Variants in CUL5 observed in about 807,000 individuals in gnomAD.
CUL5 encodes the protein cullin 5, also known as cullin-5.
A neutral mutation model predicts 108.8 loss-of-function variants in CUL5; 26 were observed. The ratio of observed to expected loss-of-function variants is 0.24; its 90% CI spans 0.18 to 0.33. The LOEUF (loss-of-function observed/expected upper bound fraction) is 0.33. Among genes scored for constraint, CUL5 ranks in the 10% least tolerant of loss-of-function variants. The pLI, the probability that CUL5 is intolerant of heterozygous loss-of-function variation, is 1.00. For missense variants in CUL5, 524 were observed against 909.2 expected (o/e 0.58, Z 5.45); for synonymous variants, 334 against 298.0 (o/e 1.12, Z -1.25).
chr11:108,038,014 A>C (rs1047096388), intron 2 of CUL5, among the ~76,000 whole-genome samples: 2 of 152,192 alleles, frequency 1.3e-5, no homozygotes, highest in Non-Finnish European at 2.9e-5. Flanking sequence ...TATCACTTAA[A>C]ATATTCTAAT....
rs1158175988 is a variant in CUL5, at chr11:108,107,284, T to C, written c.*2900T>C. 1 of 152,582 alleles carries C rather than the reference T, an allele frequency of 6.6e-6. No individual in the cohort carries two copies. Among genetic ancestry groups the C allele is most frequent in the Admixed American group, 6.6e-5 (1 of 15,264 alleles). 9.5% of individuals were successfully genotyped at this position (152,582 alleles called of 1,614,324 possible). ...TTAATAGAAAATATGACCTGAGTAG[T>C]TAAAAAGTATTTTGCATTATTTGCA... On this transcript the variant is annotated 3_prime_UTR_variant, in exon 19 of 19. Transcript: ENST00000393094.
intron 1 of CUL5, among the ~76,000 whole-genome samples, chr11:108,013,486 G>A (rs911183103): frequency 6.6e-6 from 1 of 151,834 alleles, no homozygotes; most frequent in South Asian, 2.1e-4. Context: ...TCTGTCTCTT[G>A]TCTCTCTCTC....
chr11:108,056,378 C>T (rs1323394568), intron 7 of CUL5, among the ~76,000 whole-genome samples: 3 of 152,112 alleles, frequency 2.0e-5, no homozygotes, highest in South Asian at 2.1e-4. Flanking sequence ...TGGCTTTGTC[C>T]ATCTTAAGTG....
intron 1 of CUL5, among the ~76,000 whole-genome samples, chr11:108,015,024 G>A (rs571998673): frequency 2.0e-5 from 3 of 152,120 alleles, no homozygotes; most frequent in South Asian, 4.2e-4. Flanking sequence ...TCAGCCTCCC[G>A]AGTAGTTGGG....
intron 11 of CUL5, 53 bp from the exon 12 acceptor site, chr11:108,088,474 T>A (rs1864275867): frequency 6.5e-7 from 1 of 1,531,290 alleles, no homozygotes. Flanking sequence ...TAGAAAAAAA[T>A]AATTGCAAAC....
intron 5 of CUL5, among the ~76,000 whole-genome samples, chr11:108,053,273 C>G (rs1289600415): frequency 6.6e-6 from 1 of 152,160 alleles, no homozygotes; most frequent in African/African-American, 2.4e-5. Flanking sequence ...GTTAACTTCT[C>G]TCATTTAGTG....
In CUL5 at chr11:108,107,397, A is replaced by G. The variant is rs553822966; in HGVS notation, c.*3013A>G. On this transcript the variant is annotated 3_prime_UTR_variant, in exon 19 of 19. Coordinates refer to ENST00000393094, the MANE Select transcript of CUL5 (RefSeq NM_003478.6). ...TGCTAGTTTTACAGAAAGATTTGCT[A>G]TCTTAAACTCAAGCTGGTTTTTCTG... The G allele has an allele frequency of 6.5e-6, 1 of 152,786 alleles. No individual in the cohort carries two copies. The highest frequency in any genetic ancestry group is 2.1e-4 in the South Asian group (1 of 4,828). 9.5% of individuals were successfully genotyped at this position (152,786 alleles called of 1,614,324 possible).
chr11:108,076,332 C>T (rs73000508), intron 10 of CUL5, among the ~76,000 whole-genome samples: 8,923 of 152,182 alleles, frequency 0.059, 384 homozygotes, highest in Non-Finnish European at 0.079. Context: ...CCATGCCCAG[C>T]CCAGTATAAT....
intron 1 of CUL5, among the ~76,000 whole-genome samples, chr11:108,022,973 G>A (rs1473211140): frequency 6.6e-6 from 1 of 152,206 alleles, no homozygotes; most frequent in African/African-American, 2.4e-5. Context: ...TCCTGGCCCA[G>A]CGTGGTGGCT....
At position 108,104,354 on chromosome 11, in the gene CUL5, T is replaced by A. The variant is rs745460208; in HGVS notation, c.2313T>A (p.Ser771=). Reference sequence around the variant, plus strand: ...ACAAATACATCAGAAGAGATGAATCTGATATCAACACTTTCATATATATGG... The same window carrying A: ...ACAAATACATCAGAAGAGATGAATCAGATATCAACACTTTCATATATATGG... ...IEHKYIRRDE[S]DINTFIYMA Residue 771 remains serine (S), a synonymous_variant, in exon 19 of 19, where the codon TCT becomes TCA. Transcript: ENST00000393094. 3.2e-6 allele frequency: 5 copies of A among 1,569,878 alleles called. No homozygotes were observed. The highest frequency in any genetic ancestry group is 4.1e-5 in the Admixed American group (2 of 48,414).
At chr11:108,023,795 A>G (rs528542807) in intron 1 of CUL5, among the ~76,000 whole-genome samples, 1 of 152,364 alleles carries the variant, frequency 6.6e-6, no homozygotes, top group East Asian at 1.9e-4. Context: ...TTCAAAAAAT[A>G]CAAGTATTGC....
chr11:108,097,854 T>TA, intron 17 of CUL5, 100 bp downstream of exon 17: 1 of 645,634 alleles, frequency 1.5e-6, no homozygotes. Flanking sequence ...ATTTAAAACA[T>TA]TATATACTGT....
rs1863266144 is a variant in CUL5 at position 108,052,741 on chromosome 11, G to A, written c.493G>A (p.Ala165Thr). 1.2e-6 allele frequency: 2 copies of A among 1,613,690 alleles called. No individual in the cohort carries two copies. The highest frequency in any genetic ancestry group is 1.7e-5 in the Admixed American group (1 of 60,004). ...LQDSAMKLVH[A>T]ERLGEAFDSQ... is the part of the protein sequence containing the mutation. ...AGATAGTGCAATGAAGCTGGTACAT[G>A]CTGAGAGATTGGGAGAAGCTTTTGA... is the stretch of plus-strand genomic sequence containing the variant. Residue 165 changes from alanine to threonine, a missense_variant, in exon 5 of 19, where the codon GCT becomes ACT. Physicochemically the swap from Ala to Thr is moderately conservative, Grantham distance 58 (BLOSUM62 0). This residue lies in a region of CUL5 where 170 missense variants were observed against 305.1 expected (regional missense o/e 0.56). Transcript: ENST00000393094.
At chr11:108,090,590 TAAC>T (rs1218470447) in intron 13 of CUL5, among the ~76,000 whole-genome samples, 3 of 152,224 alleles carry the variant, frequency 2.0e-5, no homozygotes, top group Non-Finnish European at 4.4e-5. Flanking sequence ...TTATAAATGA[TAAC>T]AATAAATACT....
In CUL5 at chr11:108,077,957, A is replaced by G. The variant is rs528924271; in HGVS notation, c.1114-219A>G. ...GAGTGAGACTTCATCTCAAAAAAAC[A>G]AAACCAAACCAACAACAACAAAAAA... is the stretch of plus-strand genomic sequence containing the variant. On this transcript the variant is annotated intron_variant, in intron 10 of 18. Coordinates refer to ENST00000393094, the MANE Select transcript of CUL5 (RefSeq NM_003478.6). 2.6e-5 allele frequency among the ~76,000 whole-genome samples: 4 copies of G among 152,324 alleles called. No homozygotes were observed. The East Asian group carries it at 7.7e-4, about 29-fold the overall frequency.
intron 11 of CUL5, among the ~76,000 whole-genome samples, chr11:108,081,709 G>A (rs970920524): frequency 2.6e-5 from 4 of 152,098 alleles, no homozygotes; most frequent in Admixed American, 6.6e-5. Flanking sequence ...CTGAGATGGC[G>A]CTACTGCACT....
intron 18 of CUL5, among the ~76,000 whole-genome samples, chr11:108,102,270 C>T (rs939002556): frequency 1.3e-5 from 2 of 151,820 alleles, no homozygotes; most frequent in African/African-American, 4.8e-5. Flanking sequence ...CTTCGTAATC[C>T]GCTCCCCTTG....
In CUL5 at chr11:108,098,664, C is replaced by T. The variant is rs1383027195; in HGVS notation, c.2148+135C>T. 8 of 507,138 alleles carry T rather than the reference C, an allele frequency of 1.6e-5. No homozygotes were observed. The East Asian group carries it at 3.1e-4, about 20-fold the overall frequency. 31.4% of individuals were successfully genotyped at this position (507,138 alleles called of 1,614,324 possible). ...CAGTGGCCCACACATAATCCCAACA[C>T]TTTGGGATGCTGAGGCAGGATTTCT... On this transcript the variant is annotated intron_variant, in intron 18 of 18. Coordinates refer to ENST00000393094, the MANE Select transcript of CUL5 (RefSeq NM_003478.6).
At chr11:108,041,039 G>A (rs1290976302) in intron 2 of CUL5, among the ~76,000 whole-genome samples, 1 of 152,130 alleles carries the variant, frequency 6.6e-6, no homozygotes, top group Non-Finnish European at 1.5e-5. Flanking sequence ...GGGTTACAAA[G>A]GTAGGTTTGT....
Sources: allele counts gnomAD v4.1 joint callset (sites outside exome capture counted in the v4.1 genomes callset), GRCh38; gene constraint gnomAD v4.1.1; regional missense constraint gnomAD v4.1.1; transcripts MANE v1.5; gene names NCBI Gene and HGNC (gene_info 2026-07-23, HGNC 2026-07-21).